DENND1B: variants seen among roughly 807,000 people sequenced by gnomAD.
DENND1B encodes DENN domain containing 1B, also known as DENN domain-containing protein 1B.
A neutral mutation model predicts 90.1 loss-of-function variants in DENND1B; 59 were observed. The observed-to-expected ratio is 0.65, with a 90% CI of 0.53 to 0.81. DENND1B has a LOEUF of 0.81. Ranked by LOEUF, DENND1B falls within the 40% of genes least tolerant of loss-of-function variation. The pLI is 0.00. For synonymous variants in DENND1B, 337 were observed against 324.6 expected (o/e 1.04, Z -0.41); for missense variants, 862 against 912.6 (o/e 0.94, Z 0.71).
intron 10 of DENND1B, among the ~76,000 whole-genome samples, chr1:197,640,751 C>CACAAATTTATTTCTAATACACA (rs1680201643): frequency 6.6e-6 from 1 of 152,164 alleles, no homozygotes; most frequent in African/African-American, 2.4e-5. Flanking sequence ...TACACAAATA[C>CACAAATTTATTTCTAATACACA]AGTAGCTTAT....
chr1:197,604,950 T>A (rs1451269093), intron 13 of DENND1B, among the ~76,000 whole-genome samples: 1 of 151,052 alleles, frequency 6.6e-6, no homozygotes, highest in Non-Finnish European at 1.5e-5. Flanking sequence ...ACCCAAAAAA[T>A]TTTTAGAAAA....
intron 3 of DENND1B, among the ~76,000 whole-genome samples, chr1:197,698,283 A>G (rs1302064157): frequency 1.3e-5 from 2 of 152,158 alleles, no homozygotes; most frequent in Non-Finnish European, 2.9e-5. Flanking sequence ...CCACAATTAC[A>G]TGGAAATTGA....
intron 3 of DENND1B, among the ~76,000 whole-genome samples, chr1:197,698,787 A>T (rs1157907895): frequency 6.6e-6 from 1 of 152,194 alleles, no homozygotes; most frequent in African/African-American, 2.4e-5. Context: ...AAACACCTCT[A>T]TGCAAATAAA....
intron 2 of DENND1B, among the ~76,000 whole-genome samples, chr1:197,756,244 G>A (rs763452339): frequency 6.6e-6 from 1 of 152,090 alleles, no homozygotes; most frequent in East Asian, 1.9e-4. Context: ...CAGGCCAGAC[G>A]CTGTTTGTTC....
chr1:197,700,979 G>A (rs868512843), intron 3 of DENND1B, among the ~76,000 whole-genome samples: 38 of 152,240 alleles, frequency 2.5e-4, no homozygotes, highest in Admixed American at 1.2e-3. Flanking sequence ...CTTTGTTGGT[G>A]GGAATGTAAA....
chr1:197,615,227 A>G (rs1262926136), intron 11 of DENND1B, among the ~76,000 whole-genome samples: 1 of 151,110 alleles, frequency 6.6e-6, no homozygotes, highest in African/African-American at 2.4e-5. Flanking sequence ...TACATTACAC[A>G]CTCACAGCTT....
At chr1:197,647,169 CACA>C in intron 7 of DENND1B, 55 bp from the exon 8 acceptor site, 1 of 1,262,168 alleles carries the variant, frequency 7.9e-7, no homozygotes, top group Non-Finnish European at 1.0e-6. Context: ...GAGAAGCTTA[CACA>C]ACAATTTGCT....
chr1:197,716,000 T>C (rs745455371), intron 2 of DENND1B, among the ~76,000 whole-genome samples: 12 of 151,324 alleles, frequency 7.9e-5, no homozygotes, highest in Non-Finnish European at 1.5e-4. Flanking sequence ...GTACCACCCA[T>C]ATGACAGGGT....
intron 15 of DENND1B, among the ~76,000 whole-genome samples, chr1:197,581,744 G>C (rs1019924009): frequency 2.0e-5 from 3 of 152,132 alleles, no homozygotes; most frequent in African/African-American, 7.2e-5. Context: ...AGTTACAGAA[G>C]TTCATGATCA....
At chr1:197,547,533 C>A (rs1186993854) in intron 16 of DENND1B, among the ~76,000 whole-genome samples, 2 of 152,060 alleles carry the variant, frequency 1.3e-5, no homozygotes, top group African/African-American at 4.8e-5. Flanking sequence ...AAAGAAATAT[C>A]AAAAAACAAT....
chr1:197,591,626 GGAAA>G (rs1463817560), intron 14 of DENND1B, among the ~76,000 whole-genome samples: 1 of 152,066 alleles, frequency 6.6e-6, no homozygotes, highest in African/African-American at 2.4e-5. Flanking sequence ...AACCATAAAT[GGAAA>G]GAGACAGCAT....
rs191776191 is a variant in DENND1B at position 197,773,094 on chromosome 1, T to C, written c.18-162A>G. On this transcript the variant is annotated intron_variant, in intron 1 of 22. Coordinates refer to ENST00000620048, the MANE Select transcript of DENND1B (RefSeq NM_001195215.2). ...AATAACAATGAAACTGTTTTCTCAA[T>C]TGAGCAACTTAAAAGAGCTGAGACT... 3.7e-5 allele frequency: 25 copies of C among 673,142 alleles called. 1 individual carries two copies. In the East Asian group the frequency reaches 6.6e-4, roughly 18 times the overall value. The allele number at this position is 673,142 out of a possible 1,614,324, so 41.7% of individuals were successfully genotyped here. A position where few individuals can be genotyped will look rare whatever the true frequency, so the allele number is the denominator to read the frequency against.
intron 20 of DENND1B, among the ~76,000 whole-genome samples, chr1:197,525,125 C>T (rs1305549373): frequency 6.6e-6 from 1 of 152,094 alleles, no homozygotes; most frequent in Non-Finnish European, 1.5e-5. Context: ...CAGGAGGTCT[C>T]ATTATTCACC....
upstream of DENND1B, among the ~76,000 whole-genome samples, chr1:197,780,356 T>C (rs1165021364): frequency 6.7e-6 from 1 of 150,088 alleles, no homozygotes; most frequent in Non-Finnish European, 1.5e-5. Context: ...AGATGGAGTC[T>C]CGCTCTGTCG....
intron 2 of DENND1B, among the ~76,000 whole-genome samples, chr1:197,742,785 G>A (rs896029208): frequency 6.6e-6 from 1 of 152,190 alleles, no homozygotes; most frequent in Non-Finnish European, 1.5e-5. Flanking sequence ...CAAATACAAG[G>A]AGCATCAGAA....
chr1:197,634,204 T>A (rs1249471305), intron 10 of DENND1B, among the ~76,000 whole-genome samples: 1 of 152,196 alleles, frequency 6.6e-6, no homozygotes, highest in African/African-American at 2.4e-5. Context: ...CTATAGTCTT[T>A]AGAATTTCCT....
chr1:197,577,314 G>T (rs990659963), intron 15 of DENND1B, among the ~76,000 whole-genome samples: 1 of 152,102 alleles, frequency 6.6e-6, no homozygotes, highest in Non-Finnish European at 1.5e-5. Flanking sequence ...AATATACAAT[G>T]TATAAATGTT....
intron 3 of DENND1B, among the ~76,000 whole-genome samples, chr1:197,700,124 C>A (rs1201748908): frequency 1.3e-5 from 2 of 151,914 alleles, no homozygotes; most frequent in African/African-American, 4.8e-5. Flanking sequence ...AAATTTCATA[C>A]GGAATCAAAG....
intron 4 of DENND1B, among the ~76,000 whole-genome samples, chr1:197,673,428 T>C (rs16841864): frequency 0.018 from 2,804 of 152,092 alleles, 81 homozygotes; most frequent in African/African-American, 0.063. Context: ...TAGCGAAGTA[T>C]TTTCCTAAAA....
Sources: gnomAD v4.1 joint callset for allele counts (sites outside exome capture counted in the v4.1 genomes callset) on GRCh38, gnomAD v4.1.1 for gene constraint, MANE v1.5 for transcripts, NCBI Gene and HGNC (gene_info 2026-07-23, HGNC 2026-07-21) for gene names.